The following CCR5AS variants were observed in gnomAD, a reference collection of about 807,000 sequenced individuals.
The protein encoded by CCR5AS is CCR5 antisense RNA.
chr3:46,370,997 C>T (rs1218301331), intron 3 of CCR5AS: 2 of 152,200 alleles, frequency 1.3e-5, no homozygotes, highest in Non-Finnish European at 2.9e-5. Flanking sequence ...CGGTAAGTAA[C>T]CTCTCAGCTG....
At chr3:46,382,914 T>C (rs1701828195) in intron 2 of CCR5AS, among the ~76,000 whole-genome samples, 1 of 152,248 alleles carries the variant, frequency 6.6e-6, no homozygotes, top group African/African-American at 2.4e-5. Flanking sequence ...CTAATAATAG[T>C]ATCTGCCTTA....
chr3:46,398,042 T>C (rs1405655118), intron 1 of CCR5AS, among the ~76,000 whole-genome samples: 1 of 152,062 alleles, frequency 6.6e-6, no homozygotes, highest in Non-Finnish European at 1.5e-5. Context: ...ATCTAGCACT[T>C]GGGAAAAGGG....
chr3:46,385,580 A>G (rs974782068), intron 2 of CCR5AS, among the ~76,000 whole-genome samples: 3 of 152,198 alleles, frequency 2.0e-5, no homozygotes, highest in Non-Finnish European at 4.4e-5. Context: ...GGGTGGCACC[A>G]CAGCTCTGAG....
At chr3:46,404,491 C>A (rs1420966437) in intron 1 of CCR5AS, among the ~76,000 whole-genome samples, 1 of 151,972 alleles carries the variant, frequency 6.6e-6, no homozygotes, top group East Asian at 1.9e-4. Flanking sequence ...CCCATCGCCA[C>A]CCCTCCTGGC....
At chr3:46,385,381 T>C (rs1047626680) in intron 2 of CCR5AS, among the ~76,000 whole-genome samples, 7 of 152,172 alleles carry the variant, frequency 4.6e-5, no homozygotes, top group African/African-American at 1.7e-4. Context: ...AGCTGCATAA[T>C]CCAGGGGTCA....
At chr3:46,396,290 A>G (rs1213488887) in intron 1 of CCR5AS, among the ~76,000 whole-genome samples, 1 of 151,878 alleles carries the variant, frequency 6.6e-6, no homozygotes, top group East Asian at 1.9e-4. Context: ...TCCAATGATG[A>G]TGGATGAGTC....
intron 2 of CCR5AS, among the ~76,000 whole-genome samples, chr3:46,383,091 G>A (rs891556991): frequency 1.3e-4 from 20 of 152,152 alleles, no homozygotes; most frequent in Admixed American, 6.5e-5. Context: ...TAGACATAGC[G>A]GGCAATCCAG....
Position 46,404,001 on chromosome 3 carries a change from T to A in CCR5AS, n.163+2896A>T, listed in dbSNP as rs539465473. 2.1e-3 allele frequency among the ~76,000 whole-genome samples: 319 copies of A among 152,234 alleles called. 1 individual carries two copies. Among genetic ancestry groups the A allele is most frequent in the Non-Finnish European group, 3.8e-3 (261 of 68,006 alleles). ...TCTACAGCAACTGGCAAAGGAGAAATGTTTATGGGGTCCAGCTCTAGACTC... is the reference window on the plus strand; with the variant it reads ...TCTACAGCAACTGGCAAAGGAGAAAAGTTTATGGGGTCCAGCTCTAGACTC... On this transcript the variant is annotated intron_variant and non_coding_transcript_variant, in intron 1 of 3. Coordinates refer to ENST00000451485, the Ensembl canonical transcript of CCR5AS.
At chr3:46,365,389 T>A (rs1701589706) in intron 3 of CCR5AS, among the ~76,000 whole-genome samples, 1 of 152,222 alleles carries the variant, frequency 6.6e-6, no homozygotes, top group South Asian at 2.1e-4. Flanking sequence ...GTTAGCATTT[T>A]TAGCAATACA....
chr3:46,365,803 C>G (rs1294873099), intron 3 of CCR5AS, among the ~76,000 whole-genome samples: 1 of 152,200 alleles, frequency 6.6e-6, no homozygotes, highest in Admixed American at 6.5e-5. Flanking sequence ...CCCAATGTGA[C>G]AGTTCCTGCC....
chr3:46,371,063 G>A (rs149509262), intron 3 of CCR5AS: 90 of 152,282 alleles, frequency 5.9e-4, no homozygotes, highest in African/African-American at 2.1e-3. Flanking sequence ...GAAACCCATA[G>A]AAGACATTTG....
intron 1 of CCR5AS, among the ~76,000 whole-genome samples, chr3:46,402,391 TTGATC>T (rs1702012010): frequency 6.6e-6 from 1 of 152,208 alleles, no homozygotes; most frequent in African/African-American, 2.4e-5. Context: ...ATTTACCTCT[TTGATC>T]TACTACTCAA....
At chr3:46,405,953 G>A (rs957506788) in intron 1 of CCR5AS, among the ~76,000 whole-genome samples, 6 of 149,998 alleles carry the variant, frequency 4.0e-5, no homozygotes, top group East Asian at 2.0e-4. Flanking sequence ...ATGGCTCACC[G>A]CAGCCTCCAA....
intron 2 of CCR5AS, among the ~76,000 whole-genome samples, chr3:46,390,988 GT>G (rs1701906907): frequency 6.6e-6 from 1 of 152,218 alleles, no homozygotes; most frequent in Non-Finnish European, 1.5e-5. Flanking sequence ...ATCTGTGATG[GT>G]CCAGGAGGCT....
intron 1 of CCR5AS, among the ~76,000 whole-genome samples, chr3:46,403,588 C>T (rs1179961061): frequency 6.6e-6 from 1 of 152,194 alleles, no homozygotes; most frequent in Non-Finnish European, 1.5e-5. Context: ...TGCCCTCCCT[C>T]CCCAGCTGAT....
chr3:46,369,182 G>C (rs1701630759), intron 3 of CCR5AS, among the ~76,000 whole-genome samples: 1 of 152,306 alleles, frequency 6.6e-6, no homozygotes, highest in South Asian at 2.1e-4. Context: ...TATTGAGTAA[G>C]TTTGTATTTG....
At chr3:46,389,996 G>C (rs1358238613) in intron 2 of CCR5AS, among the ~76,000 whole-genome samples, 1 of 152,206 alleles carries the variant, frequency 6.6e-6, no homozygotes, top group Admixed American at 6.5e-5. Flanking sequence ...AAGCAGGCTA[G>C]TGTCCTGCTG....
chr3:46,391,282 G>A (rs1291759885), intron 2 of CCR5AS, among the ~76,000 whole-genome samples: 1 of 152,224 alleles, frequency 6.6e-6, no homozygotes, highest in Non-Finnish European at 1.5e-5. Context: ...TGGAGATGTG[G>A]CTGGGGTTTC....
chr3:46,384,592 A>G (rs551633122), intron 2 of CCR5AS, among the ~76,000 whole-genome samples: 20 of 152,300 alleles, frequency 1.3e-4, no homozygotes, highest in Admixed American at 5.2e-4. Flanking sequence ...GTTACTGTGA[A>G]CAGTGTCGGG....
Sources: gnomAD v4.1 joint callset for allele counts (sites outside exome capture counted in the v4.1 genomes callset) on GRCh38, gnomAD v4.1.1 for gene constraint, MANE v1.5 for transcripts, NCBI Gene and HGNC (gene_info 2026-07-23, HGNC 2026-07-21) for gene names.